The following GALNT13 variants were observed in gnomAD, a reference collection of about 807,000 sequenced individuals.
GALNT13 encodes the protein UDP-GalNAc:polypeptide N-acetylgalactosaminyltransferase 13.
GALNT13 carries 28 observed loss-of-function variants against 64.2 expected under a neutral mutation model. The observed-to-expected ratio is 0.44, with a 90% CI of 0.32 to 0.60. GALNT13 has a LOEUF of 0.60. Ranked by LOEUF, GALNT13 falls within the 20% of genes least tolerant of loss-of-function variation. GALNT13 has a pLI of 0.05. For synonymous variants in GALNT13, 214 were observed against 224.6 expected, an observed-to-expected ratio of 0.95 and a Z score of 0.42; for missense variants, 577 against 669.8, an observed-to-expected ratio of 0.86 and a Z score of 1.53.
chr2:153,178,277 C>T, the GALNT13 span, among the ~76,000 whole-genome samples: 2 of 152,132 alleles, frequency 1.3e-5, no homozygotes, highest in South Asian at 4.1e-4. Flanking sequence ...TTTTGAGGAA[C>T]CTCCTTACCT....
intron 9 of GALNT13, among the ~76,000 whole-genome samples, chr2:154,354,165 A>G (rs1260210879): frequency 6.6e-6 from 1 of 152,176 alleles, no homozygotes; most frequent in Non-Finnish European, 1.5e-5. Flanking sequence ...GATTAAACAT[A>G]CATTTTCATA....
chr2:153,347,537 G>T, the GALNT13 span, among the ~76,000 whole-genome samples: 1 of 152,146 alleles, frequency 6.6e-6, no homozygotes, highest in Admixed American at 6.5e-5. Flanking sequence ...AACTGAAGTT[G>T]ATGAAATTAC....
intron 9 of GALNT13, among the ~76,000 whole-genome samples, chr2:154,378,471 T>G (rs1037480315): frequency 6.6e-6 from 1 of 152,156 alleles, no homozygotes; most frequent in African/African-American, 2.4e-5. Flanking sequence ...CCATCTTCTC[T>G]GTTGTAGGCA....
At chr2:153,221,300 G>A in the GALNT13 span, among the ~76,000 whole-genome samples, 1 of 152,070 alleles carries the variant, frequency 6.6e-6, no homozygotes, top group East Asian at 1.9e-4. Flanking sequence ...ACATGCATAC[G>A]TACACACCCA....
At chr2:153,095,980 A>G in the GALNT13 span, among the ~76,000 whole-genome samples, 4 of 152,176 alleles carry the variant, frequency 2.6e-5, no homozygotes, top group Non-Finnish European at 4.4e-5. Context: ...GCACATGTAT[A>G]GATATGTAAC....
the GALNT13 span, among the ~76,000 whole-genome samples, chr2:153,179,356 G>A: frequency 6.6e-6 from 1 of 152,092 alleles, no homozygotes; most frequent in Non-Finnish European, 1.5e-5. Context: ...AAAATCAATT[G>A]ATCAGAGATG....
the GALNT13 span, among the ~76,000 whole-genome samples, chr2:153,707,812 G>A: frequency 2.0e-5 from 3 of 152,156 alleles, no homozygotes; most frequent in African/African-American, 7.2e-5. Context: ...CTCTGAGGGT[G>A]TTAGACCAGG....
chr2:153,898,204 T>A (rs1428717868), intron 1 of GALNT13, among the ~76,000 whole-genome samples: 3 of 152,178 alleles, frequency 2.0e-5, no homozygotes, highest in African/African-American at 7.2e-5. Flanking sequence ...ATGTTTATTA[T>A]TCTCCAGCTT....
At chr2:153,900,361 A>G (rs924343005) in intron 1 of GALNT13, among the ~76,000 whole-genome samples, 1 of 152,168 alleles carries the variant, frequency 6.6e-6, no homozygotes, top group Non-Finnish European at 1.5e-5. Context: ...TCTGAAACAC[A>G]GAGAATGGAA....
intron 3 of GALNT13, among the ~76,000 whole-genome samples, chr2:153,999,879 G>A (rs567120221): frequency 6.6e-6 from 1 of 152,058 alleles, no homozygotes; most frequent in South Asian, 2.1e-4. Flanking sequence ...GCGTGAGTTT[G>A]AGAAGAATTG....
intron 11 of GALNT13, among the ~76,000 whole-genome samples, chr2:154,416,265 A>G (rs1700002003): frequency 1.3e-5 from 2 of 152,026 alleles, no homozygotes; most frequent in Admixed American, 6.6e-5. Flanking sequence ...TGAGAAGTCC[A>G]AGATCAAGAC....
the GALNT13 span, among the ~76,000 whole-genome samples, chr2:153,111,756 A>T: frequency 1.3e-5 from 2 of 152,050 alleles, no homozygotes; most frequent in Non-Finnish European, 2.9e-5. Context: ...GACCATACTA[A>T]TACTATCCTT....
chr2:153,894,645 G>T (rs1687775765), intron 1 of GALNT13, among the ~76,000 whole-genome samples: 3 of 152,026 alleles, frequency 2.0e-5, no homozygotes, highest in African/African-American at 7.2e-5. Context: ...TAATCAGTTT[G>T]CTTTGATATT....
the GALNT13 span, among the ~76,000 whole-genome samples, chr2:153,590,881 G>C: frequency 1.3e-5 from 2 of 152,012 alleles, no homozygotes; most frequent in Non-Finnish European, 2.9e-5. Context: ...GAGAAATGTT[G>C]AAAACATTCC....
chr2:153,276,821 G>A, the GALNT13 span, among the ~76,000 whole-genome samples: 2 of 152,138 alleles, frequency 1.3e-5, no homozygotes, highest in South Asian at 4.2e-4. Context: ...ATACATAGAG[G>A]AAATATTTTC....
the GALNT13 span, among the ~76,000 whole-genome samples, chr2:153,608,917 C>CT: frequency 6.0e-3 from 783 of 130,592 alleles, 7 homozygotes; most frequent in Admixed American, 0.012. Flanking sequence ...TTTTTTACTT[C>CT]TTTTTTTTTT....
intron 3 of GALNT13, among the ~76,000 whole-genome samples, chr2:153,981,994 G>T (rs1478961396): frequency 6.6e-6 from 1 of 151,868 alleles, no homozygotes; most frequent in Non-Finnish European, 1.5e-5. Context: ...TTCTTGCTAT[G>T]AAGGGCAAAT....
the GALNT13 span, among the ~76,000 whole-genome samples, chr2:153,675,782 A>G: frequency 1.3e-5 from 2 of 152,178 alleles, no homozygotes; most frequent in East Asian, 3.9e-4. Context: ...AAACAGTGAA[A>G]TTAGGGCAGA....
At chr2:153,869,394 T>A (rs1574006699), upstream of GALNT13, among the ~76,000 whole-genome samples, 1 of 152,226 alleles carries the variant, frequency 6.6e-6, no homozygotes, top group African/African-American at 2.4e-5. Context: ...TCATGGTTTT[T>A]AAATCTCCAT....
Sources: gnomAD v4.1 joint callset for allele counts (sites outside exome capture counted in the v4.1 genomes callset) on GRCh38, gnomAD v4.1.1 for gene constraint, MANE v1.5 for transcripts, NCBI Gene and HGNC (gene_info 2026-07-23, HGNC 2026-07-21) for gene names.